Variants in DENND1B observed in about 807,000 individuals in gnomAD.
The protein encoded by DENND1B is DENN domain containing 1B.
Under a neutral mutation model 90.1 loss-of-function variants are expected in DENND1B, and 59 were observed. The ratio of observed to expected loss-of-function variants is 0.65; its 90% CI spans 0.53 to 0.81. DENND1B has a LOEUF of 0.81. DENND1B is among the 40% of genes least tolerant of loss of function. The pLI is 0.00. For synonymous variants in DENND1B, 337 were observed against 324.6 expected, an observed-to-expected ratio of 1.04 and a Z score of -0.41; for missense variants, 862 against 912.6, an observed-to-expected ratio of 0.94 and a Z score of 0.71.
chr1:197,654,593 G>C (rs867486988), intron 6 of DENND1B, among the ~76,000 whole-genome samples: 3 of 151,328 alleles, frequency 2.0e-5, no homozygotes, highest in Admixed American at 1.3e-4. Context: ...CTGGGCGACA[G>C]AGCGTGACTC....
intron 8 of DENND1B, 108 bp from the exon 9 acceptor site, chr1:197,645,851 T>C (rs2125924248): frequency 4.7e-6 from 3 of 636,634 alleles, no homozygotes; most frequent in East Asian, 6.9e-5. Context: ...AAAAATGCCA[T>C]GGACTGACAT....
intron 2 of DENND1B, among the ~76,000 whole-genome samples, chr1:197,726,015 C>A (rs1244820567): frequency 1.3e-5 from 2 of 151,898 alleles, no homozygotes; most frequent in Non-Finnish European, 2.9e-5. Flanking sequence ...CACACACACA[C>A]ACATATATAT....
chr1:197,672,093 C>T lies in DENND1B; in HGVS notation c.240G>A (p.Gln80=). The change falls in exon 5 of 23, where the codon CAG becomes CAA. Residue 80 remains glutamine, a synonymous_variant. Coordinates refer to ENST00000620048, the MANE Select transcript of DENND1B (RefSeq NM_001195215.2). ...TFVLTDIESK[Q]RFGFCRLTSG... ...ACGTCAGTCTGCAGAATCCAAATCT[C>T]TGTTTACTTTCAATGTCTGTCAGTA... 1.2e-6 allele frequency: 2 copies of T among 1,612,846 alleles called. No individual in the cohort carries two copies. The highest frequency in any genetic ancestry group is 1.1e-5 in the South Asian group (1 of 91,032).
At chr1:197,602,373 A>G (rs1572031999) in intron 13 of DENND1B, among the ~76,000 whole-genome samples, 2 of 151,472 alleles carry the variant, frequency 1.3e-5, no homozygotes, top group African/African-American at 4.8e-5. Flanking sequence ...GAGAGGAGAA[A>G]AAGCATGACT....
chr1:197,726,055 CAT>C (rs1661605361), intron 2 of DENND1B, among the ~76,000 whole-genome samples: 1 of 151,732 alleles, frequency 6.6e-6, no homozygotes, highest in Non-Finnish European at 1.5e-5. Context: ...CACACATACA[CAT>C]ATATATAGAC....
At position 197,674,158 on chromosome 1, in the gene DENND1B, CTG is replaced by C; in HGVS notation, c.136_137del (p.Gln46GlufsTer10). 6.2e-7 allele frequency: 1 copy of C among 1,600,536 alleles called. No individual in the cohort carries two copies. The highest frequency in any genetic ancestry group is 8.5e-7 in the Non-Finnish European group (1 of 1,172,298). On this transcript the variant is annotated frameshift_variant, in exon 4 of 23. Transcript: ENST00000620048. LOFTEE classifies it high-confidence loss of function. ...PEDFGDQEIL[Q>X]SVPKFCFPFD... ...AGGGAAAACAGAACTTTGGCACACTCTGTAGTATTTCCTACAAATGGAAATTT... is the reference window on the plus strand; with the variant it reads ...AGGGAAAACAGAACTTTGGCACACTCTAGTATTTCCTACAAATGGAAATTT...
At chr1:197,541,361 C>A (rs946362170) in intron 18 of DENND1B, among the ~76,000 whole-genome samples, 2 of 152,100 alleles carry the variant, frequency 1.3e-5, no homozygotes, top group East Asian at 1.9e-4. Context: ...AGTACATCCC[C>A]GCAGCAAATT....
chr1:197,724,275 T>C (rs576592969), intron 2 of DENND1B, among the ~76,000 whole-genome samples: 1 of 152,236 alleles, frequency 6.6e-6, no homozygotes, highest in East Asian at 1.9e-4. Flanking sequence ...AATTTTAAAA[T>C]GAAAAATACA....
intron 20 of DENND1B, among the ~76,000 whole-genome samples, chr1:197,534,255 C>T (rs1330275214): frequency 6.6e-6 from 1 of 152,130 alleles, no homozygotes; most frequent in East Asian, 1.9e-4. Flanking sequence ...TCCACTTGTA[C>T]CTGTTTTCAC....
At chr1:197,632,427 C>G (rs182038962) in intron 10 of DENND1B, among the ~76,000 whole-genome samples, 1 of 152,096 alleles carries the variant, frequency 6.6e-6, no homozygotes, top group African/African-American at 2.4e-5. Context: ...GATACAAATT[C>G]CTTTCGAGAA....
intron 13 of DENND1B, among the ~76,000 whole-genome samples, chr1:197,596,138 T>C (rs1259575303): frequency 6.6e-6 from 1 of 152,014 alleles, no homozygotes; most frequent in Non-Finnish European, 1.5e-5. Flanking sequence ...ATGTTTCAAA[T>C]CAAAGAAAAA....
intron 15 of DENND1B, among the ~76,000 whole-genome samples, chr1:197,578,730 T>C (rs1189593016): frequency 1.3e-5 from 2 of 152,158 alleles, no homozygotes; most frequent in South Asian, 2.1e-4. Flanking sequence ...AATTATACAA[T>C]TGAAATATTT....
intron 6 of DENND1B, among the ~76,000 whole-genome samples, chr1:197,655,462 G>A (rs1653708389): frequency 6.6e-6 from 1 of 152,012 alleles, no homozygotes; most frequent in Non-Finnish European, 1.5e-5. Context: ...TTAACCTGGA[G>A]AGTCAGGAAA....
chr1:197,614,030 AC>A (rs1302732918), intron 11 of DENND1B, among the ~76,000 whole-genome samples: 1 of 149,346 alleles, frequency 6.7e-6, no homozygotes, highest in Non-Finnish European at 1.5e-5. Context: ...ATCTAGGAAA[AC>A]TTTTTTTTTT....
At chr1:197,541,518 A>C (rs1022963257) in intron 18 of DENND1B, among the ~76,000 whole-genome samples, 1 of 152,210 alleles carries the variant, frequency 6.6e-6, no homozygotes, top group Non-Finnish European at 1.5e-5. Flanking sequence ...AAAACTTAAA[A>C]GTCATTTAAC....
intron 2 of DENND1B, among the ~76,000 whole-genome samples, chr1:197,736,364 A>G (rs1662692076): frequency 6.6e-6 from 1 of 152,098 alleles, no homozygotes; most frequent in Non-Finnish European, 1.5e-5. Flanking sequence ...CTATCTATCT[A>G]TCGAGACAGG....
intron 5 of DENND1B, among the ~76,000 whole-genome samples, chr1:197,667,111 C>T (rs2125975381): frequency 6.6e-6 from 1 of 151,278 alleles, no homozygotes; most frequent in Middle Eastern, 3.4e-3. Flanking sequence ...TCCAGCCTGG[C>T]CGCAGAGCGA....
intron 15 of DENND1B, among the ~76,000 whole-genome samples, chr1:197,565,865 A>C (rs1337568850): frequency 6.7e-6 from 1 of 149,036 alleles, no homozygotes; most frequent in Non-Finnish European, 1.5e-5. Flanking sequence ...TATATGTGCC[A>C]CATTTTCTTA....
chr1:197,645,630 G>A lies in DENND1B; in HGVS notation c.561+60C>T, dbSNP rs189918802. On this transcript the variant is annotated intron_variant, in intron 9 of 22. Transcript: ENST00000620048. ...CTATATAAAAACGCATAAACAGTGA[G>A]ACCAAAATAAACAAAATTAATAATA... The A allele has an allele frequency of 2.0e-3, 2,174 of 1,086,136 alleles. 29 individuals are homozygous for A. The African/African-American group carries it at 0.028, about 14-fold the overall frequency. The allele number at this position is 1,086,136 out of a possible 1,614,324, so 67.3% of individuals were successfully genotyped here.
Sources: allele counts gnomAD v4.1 joint callset (sites outside exome capture counted in the v4.1 genomes callset), GRCh38; gene constraint gnomAD v4.1.1; transcripts MANE v1.5; gene names NCBI Gene and HGNC (gene_info 2026-07-23, HGNC 2026-07-21).